NR5A2: variants seen among roughly 807,000 people sequenced by gnomAD.
NR5A2 encodes the protein nuclear receptor subfamily 5 group A member 2, also known as CYP7A promoter-binding factor.
Under a neutral mutation model 62.7 loss-of-function variants are expected in NR5A2, and 26 were observed. The ratio of observed to expected loss-of-function variants is 0.41; its 90% CI spans 0.30 to 0.58. The LOEUF (loss-of-function observed/expected upper bound fraction) is 0.58. NR5A2 is among the 20% of genes least tolerant of loss of function. The probability of loss-of-function intolerance (pLI) is 0.22; values close to 1 mark genes in which losing one functional copy is unlikely to be tolerated. For synonymous variants in NR5A2, 246 were observed against 241.7 expected (o/e 1.02, Z -0.16); for missense variants, 541 against 669.1 (o/e 0.81, Z 2.11).
intron 5 of NR5A2, among the ~76,000 whole-genome samples, chr1:200,074,708 G>C (rs1663929988): frequency 8.4e-6 from 1 of 118,880 alleles, no homozygotes; most frequent in Admixed American, 9.5e-5. Flanking sequence ...CTGCACTCCA[G>C]TCTGGGCGAC....
chr1:200,115,791 G>A (rs1666189638), intron 6 of NR5A2, among the ~76,000 whole-genome samples: 1 of 152,042 alleles, frequency 6.6e-6, no homozygotes, highest in African/African-American at 2.4e-5. Flanking sequence ...GTTCTAAGCT[G>A]TCCAGATGAT....
intron 5 of NR5A2, among the ~76,000 whole-genome samples, chr1:200,075,985 A>G (rs1664016282): frequency 6.6e-6 from 1 of 152,036 alleles, no homozygotes. Flanking sequence ...TTTAACAAGA[A>G]GCTAAACTCA....
At chr1:200,045,328 A>G in intron 3 of NR5A2, 115 bp from the exon 4 acceptor site, 2 of 888,566 alleles carry the variant, frequency 2.3e-6, no homozygotes, top group South Asian at 2.2e-5. Flanking sequence ...ACAGAACCAC[A>G]TAAGGGCTCA....
intron 5 of NR5A2, among the ~76,000 whole-genome samples, chr1:200,073,250 ATATATATATATTCCCCTT>A (rs1165631596): frequency 3.8e-4 from 45 of 118,798 alleles, no homozygotes; most frequent in Non-Finnish European, 5.2e-4. Flanking sequence ...ATATATATAT[ATATATATATATTCCCCTT>A]TATATATATA....
chr1:200,029,940 G>A (rs1268089227), intron 1 of NR5A2, among the ~76,000 whole-genome samples: 1 of 152,166 alleles, frequency 6.6e-6, no homozygotes, highest in Non-Finnish European at 1.5e-5. Context: ...CGTTCCCAGG[G>A]TGAATGGCTG....
At chr1:200,054,604 C>T (rs1662823644) in intron 5 of NR5A2, among the ~76,000 whole-genome samples, 1 of 152,122 alleles carries the variant, frequency 6.6e-6, no homozygotes, top group Admixed American at 6.5e-5. Flanking sequence ...ACTAGCATTT[C>T]TGTGGAAAAT....
At chr1:200,155,876 G>A (rs1653358641) in intron 7 of NR5A2, among the ~76,000 whole-genome samples, 1 of 152,124 alleles carries the variant, frequency 6.6e-6, no homozygotes, top group South Asian at 2.1e-4. Context: ...GTTCCGCCAT[G>A]TTGGCCAGGC....
At chr1:200,171,957 C>CA (rs2102397737) in intron 7 of NR5A2, among the ~76,000 whole-genome samples, 1 of 152,162 alleles carries the variant, frequency 6.6e-6, no homozygotes, top group East Asian at 1.9e-4. Flanking sequence ...ATACAATTAT[C>CA]AAAAAAGGAA....
In NR5A2 at chr1:200,145,716, C is replaced by T. The variant is rs976517430; in HGVS notation, c.1378+24761C>T. On this transcript the variant is annotated intron_variant, in intron 7 of 7. Transcript: ENST00000367362. ...GGCCATAGCTCACTGCAGCCTTGAA[C>T]CCCTGAGCTCAGGCAATCAGCCTCA... Among the ~76,000 whole-genome samples the T allele has an allele frequency of 3.5e-4, 53 of 152,106 alleles. 1 individual carries two copies. Among genetic ancestry groups the T allele is most frequent in the Non-Finnish European group, 4.4e-4 (30 of 68,026 alleles).
At chr1:200,040,952 G>C (rs560608204) in intron 2 of NR5A2, among the ~76,000 whole-genome samples, 16 of 152,350 alleles carry the variant, frequency 1.1e-4, no homozygotes, top group African/African-American at 3.6e-4. Context: ...GGCTGTGAGA[G>C]TCCCCTAGAG....
chr1:200,152,446 A>G (rs980778164), intron 7 of NR5A2, among the ~76,000 whole-genome samples: 1 of 152,238 alleles, frequency 6.6e-6, no homozygotes, highest in South Asian at 2.1e-4. Context: ...CAAGAAGGCA[A>G]AAACGTGCCT....
In NR5A2 at chr1:200,174,269, G is replaced by T; in HGVS notation, c.*59G>T. The T allele has an allele frequency of 1.4e-6, 2 of 1,451,480 alleles. No homozygotes were observed. Among genetic ancestry groups the T allele is most frequent in the Non-Finnish European group, 1.8e-6 (2 of 1,100,796 alleles). 89.9% of individuals were successfully genotyped at this position (1,451,480 alleles called of 1,614,324 possible). A position where few individuals can be genotyped will look rare whatever the true frequency, so the allele number is the denominator to read the frequency against. On this transcript the variant is annotated 3_prime_UTR_variant, in exon 8 of 8. Coordinates refer to ENST00000367362, the MANE Select transcript of NR5A2 (RefSeq NM_205860.3). ...AAAAGAGATTGGGGGAGTGGGGAGG[G>T]GGAAGAAGAACAGGAAGAAAAAAAG...
At chr1:200,097,237 T>G (rs1665142700) in intron 5 of NR5A2, among the ~76,000 whole-genome samples, 1 of 152,080 alleles carries the variant, frequency 6.6e-6, no homozygotes, top group Admixed American at 6.5e-5. Context: ...AAAATAAACC[T>G]TTGTCAGAAT....
intron 7 of NR5A2, among the ~76,000 whole-genome samples, chr1:200,123,162 T>A (rs1259816402): frequency 6.6e-6 from 1 of 152,152 alleles, no homozygotes; most frequent in Non-Finnish European, 1.5e-5. Context: ...CAGCCCAGCC[T>A]TGAGACTCTT....
intron 2 of NR5A2, among the ~76,000 whole-genome samples, chr1:200,042,393 A>T (rs1411652207): frequency 6.6e-6 from 1 of 152,150 alleles, no homozygotes; most frequent in Non-Finnish European, 1.5e-5. Flanking sequence ...GAAAAAAAAT[A>T]ACTTTATTTT....
intron 5 of NR5A2, among the ~76,000 whole-genome samples, chr1:200,072,265 A>G (rs1663770738): frequency 6.6e-6 from 1 of 152,216 alleles, no homozygotes; most frequent in Admixed American, 6.5e-5. Context: ...TTTATGGAGC[A>G]GAGGAAGCAT....
intron 7 of NR5A2, among the ~76,000 whole-genome samples, chr1:200,124,731 G>A (rs996553024): frequency 1.3e-5 from 2 of 152,020 alleles, no homozygotes; most frequent in Non-Finnish European, 2.9e-5. Context: ...TGAGCCCCAC[G>A]GGTTTGAGAC....
intron 1 of NR5A2, among the ~76,000 whole-genome samples, chr1:200,035,797 G>A (rs1661750326): frequency 6.6e-6 from 1 of 152,280 alleles, no homozygotes; most frequent in East Asian, 1.9e-4. Context: ...CTGGAGACCT[G>A]TCTCGTCGGA....
chr1:200,031,246 G>A (rs1392510607), intron 1 of NR5A2, among the ~76,000 whole-genome samples: 1 of 152,152 alleles, frequency 6.6e-6, no homozygotes, highest in Non-Finnish European at 1.5e-5. Context: ...TCTCAAACTG[G>A]TAATCCCAAT....
Sources: gnomAD v4.1 joint callset for allele counts (sites outside exome capture counted in the v4.1 genomes callset) on GRCh38, gnomAD v4.1.1 for gene constraint, MANE v1.5 for transcripts, NCBI Gene and HGNC (gene_info 2026-07-23, HGNC 2026-07-21) for gene names.